The following DRC9 variants were observed in gnomAD, a reference collection of about 807,000 sequenced individuals.
DRC9 encodes the protein dynein regulatory complex protein 9.
At chr3:197,896,068 C>T in the DRC9 span, among the ~76,000 whole-genome samples, 35 of 146,422 alleles carry the variant, frequency 2.4e-4, no homozygotes, top group African/African-American at 7.9e-4. Flanking sequence ...AAAGGCTGGG[C>T]GCAGTGGCTC....
At chr3:197,932,957 T>TTATTATATA in the DRC9 span, among the ~76,000 whole-genome samples, 1 of 135,440 alleles carries the variant, frequency 7.4e-6, no homozygotes, top group African/African-American at 2.8e-5. Context: ...ATATTATATA[T>TTATTATATA]TATTATATAT....
At chr3:197,891,463 AT>A in the DRC9 span, 1 of 1,590,032 alleles carries the variant, frequency 6.3e-7, no homozygotes, top group Admixed American at 1.7e-5. Flanking sequence ...ACGCTCTTTA[AT>A]TCCAAGAGAT....
the DRC9 span, chr3:197,950,725 T>C: frequency 1.2e-5 from 7 of 592,066 alleles, no homozygotes; most frequent in Non-Finnish European, 2.1e-5. Context: ...TTGTCTTCAT[T>C]CTGAAGTTTG....
chr3:197,950,917 T>C, the DRC9 span: 1 of 1,613,588 alleles, frequency 6.2e-7, no homozygotes, highest in Non-Finnish European at 8.5e-7. Context: ...TTTAAACTAA[T>C]CTTTTTGTTT....
the DRC9 span, among the ~76,000 whole-genome samples, chr3:197,904,111 T>TACATACATATATATATATATATATA: frequency 8.8e-5 from 2 of 22,808 alleles, no homozygotes; most frequent in Non-Finnish European, 2.0e-4. Context: ...TATATATATA[T>TACATACATATATATATATATATATA]TTTTTTTTTT....
the DRC9 span, among the ~76,000 whole-genome samples, chr3:197,940,001 A>C: frequency 6.6e-6 from 1 of 151,394 alleles, no homozygotes; most frequent in Non-Finnish European, 1.5e-5. Context: ...GCACTAAAAA[A>C]AATTTTTTTT....
chr3:197,950,681 TGA>T, the DRC9 span: 8 of 535,402 alleles, frequency 1.5e-5, no homozygotes, highest in Admixed American at 2.3e-4. Context: ...CAGGCTTTTC[TGA>T]GAGTCATTTT....
the DRC9 span, among the ~76,000 whole-genome samples, chr3:197,953,141 C>T: frequency 6.6e-6 from 1 of 152,220 alleles, no homozygotes; most frequent in Non-Finnish European, 1.5e-5. Flanking sequence ...TGTCTTCACC[C>T]ACTCCAAGCC....
chr3:197,932,841 T>TTA, the DRC9 span, among the ~76,000 whole-genome samples: 2,989 of 92,454 alleles, frequency 0.032, 59 homozygotes, highest in Non-Finnish European at 0.041. Flanking sequence ...TATATATGTA[T>TTA]TATATATAAT....
At chr3:197,951,447 G>T in the DRC9 span, 292 of 944,082 alleles carry the variant, frequency 3.1e-4, 1 homozygote, top group East Asian at 5.2e-3. Context: ...CCGCCTCCCG[G>T]GTTCAAGCAA....
At chr3:197,932,043 C>A in the DRC9 span, 1 of 973,540 alleles carries the variant, frequency 1.0e-6, no homozygotes, top group Non-Finnish European at 1.5e-6. Flanking sequence ...GAAGAAAACC[C>A]AAATTCTGAC....
chr3:197,912,652 A>G, the DRC9 span: 10 of 1,587,814 alleles, frequency 6.3e-6, no homozygotes, highest in Non-Finnish European at 8.6e-6. Flanking sequence ...AAGTCAAAGC[A>G]TAGAAAAGCT....
the DRC9 span, among the ~76,000 whole-genome samples, chr3:197,933,742 T>C: frequency 6.6e-6 from 1 of 152,124 alleles, no homozygotes; most frequent in Non-Finnish European, 1.5e-5. Flanking sequence ...CTCTAGCATG[T>C]TGTGATACTT....
chr3:197,913,989 T>G, the DRC9 span: 1 of 1,614,208 alleles, frequency 6.2e-7, no homozygotes, highest in Non-Finnish European at 8.5e-7. Context: ...AGTTGGATTT[T>G]GCCTTCATCT....
At chr3:197,902,615 G>A in the DRC9 span, among the ~76,000 whole-genome samples, 1 of 151,814 alleles carries the variant, frequency 6.6e-6, no homozygotes, top group East Asian at 1.9e-4. Flanking sequence ...AAGTGATCAA[G>A]CAGAAGAAGG....
chr3:197,920,259 C>T, the DRC9 span, among the ~76,000 whole-genome samples: 38 of 151,808 alleles, frequency 2.5e-4, no homozygotes, highest in Non-Finnish European at 2.5e-4. Context: ...CTGTCTATGA[C>T]TTAGAATACC....
the DRC9 span, among the ~76,000 whole-genome samples, chr3:197,900,483 A>T: frequency 3.1e-3 from 470 of 149,440 alleles, 5 homozygotes; most frequent in African/African-American, 0.011. This position sits in a 1 kb window ranked among gnomAD's most constrained non-coding sequence, Gnocchi z 4.7. Context: ...AGAACAAGGC[A>T]CTGGGCAGAG....
At chr3:197,949,759 T>C in the DRC9 span, 1 of 307,994 alleles carries the variant, frequency 3.2e-6, no homozygotes, top group Non-Finnish European at 5.9e-6. Context: ...CATGCTAGAT[T>C]AGGATCCCAG....
the DRC9 span, chr3:197,945,725 G>A: frequency 4.3e-5 from 34 of 789,656 alleles, no homozygotes; most frequent in African/African-American, 7.0e-5. Context: ...GTTTATGGGC[G>A]TCTTGAATGA....
Sources: gnomAD v4.1 joint callset for allele counts (sites outside exome capture counted in the v4.1 genomes callset) on GRCh38, gnomAD v4.1.1 for gene constraint, Gnocchi (gnomAD v3.1) non-coding constraint, MANE v1.5 for transcripts, NCBI Gene and HGNC (gene_info 2026-07-23, HGNC 2026-07-21) for gene names.